The following ZNF236 variants were observed in gnomAD, a reference collection of about 807,000 sequenced individuals.
ZNF236 encodes the protein zinc finger protein 236.
A neutral mutation model predicts 191.2 loss-of-function variants in ZNF236; 50 were observed. The observed-to-expected ratio is 0.26, with a 90% confidence interval of 0.21 to 0.33. ZNF236 has a LOEUF of 0.33. ZNF236 is among the 10% of genes least tolerant of loss of function. The pLI is 1.00. For missense variants in ZNF236, 1,754 were observed against 2,374.5 expected (o/e 0.74, Z 5.43); for synonymous variants, 907 against 928.8 (o/e 0.98, Z 0.43).
In ZNF236 at chr18:76,914,047, G is replaced by A. The variant is rs913073348; in HGVS notation, c.3061+149G>A. ...ATAGAGTTCTGCAACCATCAAAACTGTAATTTTAGGACATTTTTATTACAC... is the reference window on the plus strand; with the variant it reads ...ATAGAGTTCTGCAACCATCAAAACTATAATTTTAGGACATTTTTATTACAC... On this transcript the variant is annotated intron_variant, in intron 18 of 30. Transcript: ENST00000320610. 4 of 840,474 alleles carry A rather than the reference G, an allele frequency of 4.8e-6. No individual in the cohort carries two copies. In the Admixed American group the frequency reaches 9.0e-5, roughly 19 times the overall value. The allele number at this position is 840,474 out of a possible 1,614,324, so 52.1% of individuals were successfully genotyped here.
intron 9 of ZNF236, among the ~76,000 whole-genome samples, chr18:76,892,232 T>C (rs927700263): frequency 2.3e-5 from 3 of 131,042 alleles, no homozygotes; most frequent in Admixed American, 8.7e-5. Flanking sequence ...AAAACTTGGG[T>C]ATCTTTCTGA....
At chr18:76,882,109 A>C (rs1434552772) in intron 9 of ZNF236, among the ~76,000 whole-genome samples, 1 of 152,190 alleles carries the variant, frequency 6.6e-6, no homozygotes, top group African/African-American at 2.4e-5. Flanking sequence ...CATCATACTG[A>C]AACTGGATTC....
At chr18:76,905,897 A>G (rs1290503421) in intron 13 of ZNF236, among the ~76,000 whole-genome samples, 1 of 152,218 alleles carries the variant, frequency 6.6e-6, no homozygotes, top group Admixed American at 6.5e-5. Context: ...TTTTCACATG[A>G]TTGGAAGGCT....
intron 10 of ZNF236, 61 bp from the exon 11 acceptor site, chr18:76,898,958 C>A: frequency 7.4e-7 from 1 of 1,355,904 alleles, no homozygotes; most frequent in Non-Finnish European, 1.0e-6. Context: ...TTTATGTTAG[C>A]ATTTGCTGTT....
intron 30 of ZNF236, among the ~76,000 whole-genome samples, chr18:76,964,265 T>C (rs1414006154): frequency 6.6e-6 from 1 of 152,230 alleles, no homozygotes; most frequent in Non-Finnish European, 1.5e-5. Context: ...TATGTCACTA[T>C]GGTTGTTCAG....
intron 5 of ZNF236, among the ~76,000 whole-genome samples, chr18:76,873,286 C>T (rs1030974259): frequency 3.3e-5 from 5 of 152,166 alleles, no homozygotes; most frequent in African/African-American, 7.2e-5. Context: ...ATGTTTTTTA[C>T]GCGTACATAA....
intron 3 of ZNF236, among the ~76,000 whole-genome samples, chr18:76,859,219 T>G (rs1467321439): frequency 1.4e-4 from 9 of 66,026 alleles, no homozygotes; most frequent in African/African-American, 3.1e-4. Context: ...CAGGTGCAGG[T>G]GGAGGAGAAA....
At chr18:76,858,657 A>AG (rs1361085692) in intron 3 of ZNF236, among the ~76,000 whole-genome samples, 2 of 147,668 alleles carry the variant, frequency 1.4e-5, no homozygotes, top group East Asian at 4.0e-4. Context: ...TGGAGGAGGA[A>AG]GGGGGAAAGG....
intron 27 of ZNF236, among the ~76,000 whole-genome samples, chr18:76,954,406 A>G (rs1033905136): frequency 2.0e-5 from 3 of 152,342 alleles, no homozygotes; most frequent in South Asian, 4.1e-4. Context: ...TCGCTCCATA[A>G]CTACAGGTTT....
Position 76,880,204 on chromosome 18 carries a change from T to A in ZNF236, c.1076T>A (p.Val359Asp). The A allele has an allele frequency of 1.2e-6, 2 of 1,614,150 alleles. No homozygotes were observed. The highest frequency in any genetic ancestry group is 1.7e-6 in the Non-Finnish European group (2 of 1,180,020). Residue 359 changes from valine (V) to aspartate (D), a missense_variant, in exon 8 of 31, where the codon GTC (valine) becomes GAC (aspartate). Val to Asp is a radical substitution (Grantham distance 152). Around this residue, in one of 5 missense-constraint regions of ZNF236, gnomAD observed 336 missense variants for 495.1 expected, o/e 0.68. Transcript: ENST00000320610. This position sits in a 1 kb window ranked among gnomAD's most constrained non-coding sequence, Gnocchi z 5.0. ...SQPSSQAVSD[V>D]IQQLLELSEP... ...CCGAGCTCCCAGGCGGTGAGCGACG[T>A]CATCCAGCAGCTCCTGGAGCTCTCA... is the stretch of plus-strand genomic sequence containing the variant.
chr18:76,900,307 C>T lies in ZNF236; in HGVS notation c.1894+1085C>T, dbSNP rs189775442. Among the ~76,000 whole-genome samples the T allele has an allele frequency of 3.0e-3, 455 of 152,026 alleles. 1 individual carries two copies. The highest frequency in any genetic ancestry group is 0.011 in the African/African-American group (437 of 41,476). ...TCAAAATATTTAAACTAAAAAAATT[C>T]AAAGAAAGGAAATACTCAAATTCTC... On this transcript the variant is annotated intron_variant, in intron 11 of 30. Transcript: ENST00000320610.
At position 76,970,515 on chromosome 18, in the gene ZNF236, A is replaced by G. The variant is rs1968891669; in HGVS notation, c.*2176A>G. On this transcript the variant is annotated 3_prime_UTR_variant, in exon 31 of 31. Coordinates refer to ENST00000320610, the MANE Select transcript of ZNF236 (RefSeq NM_001306089.2). ...TTTTTGCAGAACATTCCTTGAAAAT[A>G]TAAGGTTTTGAAAAGACATAATTTT... The G allele has an allele frequency of 6.5e-6, 1 of 152,680 alleles. No individual in the cohort carries two copies. The highest frequency in any genetic ancestry group is 2.1e-4 in the South Asian group (1 of 4,838). The allele number at this position is 152,680 out of a possible 1,614,324, so 9.5% of individuals were successfully genotyped here.
chr18:76,891,391 T>C (rs1977228751), intron 9 of ZNF236, among the ~76,000 whole-genome samples: 5 of 152,206 alleles, frequency 3.3e-5, no homozygotes, highest in Admixed American at 3.3e-4. Context: ...AGGTTTTTTT[T>C]TTCGAGACAG....
chr18:76,868,480 T>A (rs1274921181), intron 3 of ZNF236, among the ~76,000 whole-genome samples: 1 of 152,224 alleles, frequency 6.6e-6, no homozygotes, highest in African/African-American at 2.4e-5. Flanking sequence ...TTTCTTCCAA[T>A]AAAGAAATGA....
At chr18:76,902,806 A>G (rs1341102289) in intron 11 of ZNF236, among the ~76,000 whole-genome samples, 2 of 148,588 alleles carry the variant, frequency 1.3e-5, no homozygotes, top group Non-Finnish European at 3.0e-5. Flanking sequence ...GGCCAGGCTG[A>G]TCTCAAACTC....
intron 3 of ZNF236, among the ~76,000 whole-genome samples, chr18:76,853,680 A>G (rs1162271754): frequency 1.3e-5 from 2 of 152,126 alleles, no homozygotes; most frequent in African/African-American, 4.8e-5. Context: ...TCTGTTGTAC[A>G]TCATGGGGAC....
At position 76,905,359 on chromosome 18, in the gene ZNF236, T is replaced by C; in HGVS notation, c.2241T>C (p.Tyr747=). The C allele has an allele frequency of 6.2e-7, 1 of 1,614,148 alleles. No individual in the cohort carries two copies. The highest frequency in any genetic ancestry group is 1.1e-5 in the South Asian group (1 of 91,080). The change falls in exon 13 of 31, where the codon TAT becomes TAC. Residue 747 remains tyrosine, a synonymous_variant. Coordinates refer to ENST00000320610, the MANE Select transcript of ZNF236 (RefSeq NM_001306089.2). ...ACCTTCGTCCCTATATGTGTCCCTA[T>C]TGCCAAAAAACATTTAAGACTTCAC... The part of the protein sequence containing the change: ...HNDLRPYMCP[Y]CQKTFKTSLN...
At position 76,971,881 on chromosome 18, in the gene ZNF236, C is replaced by T. The variant is rs1968912258; in HGVS notation, c.*3542C>T. On this transcript the variant is annotated 3_prime_UTR_variant, in exon 31 of 31. Transcript: ENST00000320610. The stretch of plus-strand genomic sequence containing the variant: ...GTATATTAAGGCTATCTCATGCCTG[C>T]TTCTTACATTTTTTTCTGAAGCTTA... Among the ~76,000 whole-genome samples the T allele has an allele frequency of 6.6e-6, 1 of 152,186 alleles. No homozygotes were observed. Among genetic ancestry groups the T allele is most frequent in the Admixed American group, 6.5e-5 (1 of 15,282 alleles).
chr18:76,893,089 TAG>T, intron 9 of ZNF236, among the ~76,000 whole-genome samples: 1 of 152,350 alleles, frequency 6.6e-6, no homozygotes, highest in Non-Finnish European at 1.5e-5. Context: ...TCACAGATAT[TAG>T]AACCTGGTGG....
Sources: allele counts gnomAD v4.1 joint callset (sites outside exome capture counted in the v4.1 genomes callset), GRCh38; gene constraint gnomAD v4.1.1; regional missense constraint gnomAD v4.1.1; non-coding constraint Gnocchi (gnomAD v3.1); transcripts MANE v1.5; gene names NCBI Gene and HGNC (gene_info 2026-07-23, HGNC 2026-07-21).